Variants in UBE2E2 observed in about 807,000 individuals in gnomAD.
UBE2E2 encodes ubiquitin-conjugating enzyme E2 E2.
In UBE2E2, 6 loss-of-function variants were observed where a neutral mutation model predicts 24.7. That is an observed-to-expected ratio of 0.24 (90% CI 0.13 to 0.48). The LOEUF is 0.48. Among genes scored for constraint, UBE2E2 ranks in the 20% least tolerant of loss-of-function variants. The pLI is 0.99. For synonymous variants in UBE2E2, 104 were observed against 83.6 expected (o/e 1.24, Z -1.33); for missense variants, 169 against 245.0 (o/e 0.69, Z 2.07).
At chr3:23,214,541 A>G (rs1696421738) in intron 2 of UBE2E2, among the ~76,000 whole-genome samples, 1 of 151,062 alleles carries the variant, frequency 6.6e-6, no homozygotes, top group African/African-American at 2.4e-5. Flanking sequence ...ATAGCCACCA[A>G]TACTGAGCCT....
intron 3 of UBE2E2, among the ~76,000 whole-genome samples, chr3:23,303,063 G>A (rs1342055257): frequency 1.3e-5 from 2 of 152,134 alleles, no homozygotes; most frequent in African/African-American, 4.8e-5. Context: ...CCTGAGCTCT[G>A]CCTCCCGTCA....
intron 3 of UBE2E2, among the ~76,000 whole-genome samples, chr3:23,418,000 G>A (rs897978390): frequency 2.0e-5 from 3 of 152,176 alleles, no homozygotes; most frequent in African/African-American, 7.2e-5. Context: ...GGGCTCCGTG[G>A]GGGTGGGATC....
chr3:23,543,010 A>G (rs570365284), intron 5 of UBE2E2, among the ~76,000 whole-genome samples: 1 of 152,262 alleles, frequency 6.6e-6, no homozygotes, highest in Non-Finnish European at 1.5e-5. Context: ...AGTAACCTCT[A>G]ATTGGTTGGT....
At chr3:23,470,258 T>C (rs964293949) in intron 3 of UBE2E2, among the ~76,000 whole-genome samples, 2 of 152,176 alleles carry the variant, frequency 1.3e-5, no homozygotes, top group African/African-American at 4.8e-5. Context: ...CTTCCCTCCT[T>C]GCTTCCTTGA....
intron 3 of UBE2E2, among the ~76,000 whole-genome samples, chr3:23,487,579 A>G (rs867784205): frequency 2.0e-5 from 3 of 152,206 alleles, no homozygotes; most frequent in African/African-American, 7.2e-5. Context: ...TGAGCCAGGC[A>G]CTGTTCTAGG....
rs1481280790 is a variant in UBE2E2 at position 23,417,550 on chromosome 3, A to G, written c.228-82058A>G. Among the ~76,000 whole-genome samples the G allele has an allele frequency of 2.6e-5, 4 of 152,270 alleles. No individual in the cohort carries two copies. In the East Asian group the frequency reaches 7.7e-4, roughly 29 times the overall value. ...GGTTGGGTCAGGGACCCACTTGAGG[A>G]GGCGGTCTGTCCCTTAGCAGAGCTC... On this transcript the variant is annotated intron_variant, in intron 3 of 5. Coordinates refer to ENST00000396703, the MANE Select transcript of UBE2E2 (RefSeq NM_152653.4).
intron 5 of UBE2E2, among the ~76,000 whole-genome samples, chr3:23,572,201 C>G (rs149696614): frequency 6.6e-6 from 1 of 152,106 alleles, no homozygotes; most frequent in South Asian, 2.1e-4. Context: ...CACTACAAGT[C>G]ACACACTGTT....
At chr3:23,298,429 A>T (rs968501903) in intron 3 of UBE2E2, among the ~76,000 whole-genome samples, 2 of 152,192 alleles carry the variant, frequency 1.3e-5, no homozygotes, top group South Asian at 4.2e-4. Context: ...TAGGTTTGTC[A>T]TAGATAGCTC....
intron 4 of UBE2E2, among the ~76,000 whole-genome samples, chr3:23,502,070 TG>T (rs1342317713): frequency 6.6e-6 from 1 of 152,136 alleles, no homozygotes; most frequent in Non-Finnish European, 1.5e-5. Flanking sequence ...AGAAAAAACT[TG>T]GGGTGTAGTG....
chr3:23,389,316 A>T (rs1696882427), intron 3 of UBE2E2, among the ~76,000 whole-genome samples: 1 of 152,112 alleles, frequency 6.6e-6, no homozygotes, highest in Non-Finnish European at 1.5e-5. Flanking sequence ...ATTGTCATGG[A>T]TCTCTTTTCA....
intron 3 of UBE2E2, among the ~76,000 whole-genome samples, chr3:23,329,856 A>G (rs1695012124): frequency 6.6e-6 from 1 of 152,210 alleles, no homozygotes; most frequent in Non-Finnish European, 1.5e-5. Flanking sequence ...CTTCCCTTTT[A>G]AAATATTTTA....
At chr3:23,344,336 C>A (rs181079634) in intron 3 of UBE2E2, among the ~76,000 whole-genome samples, 1 of 152,108 alleles carries the variant, frequency 6.6e-6, no homozygotes, top group Non-Finnish European at 1.5e-5. Flanking sequence ...AGAAACACAT[C>A]CAGAGGTCAC....
At position 23,524,607 on chromosome 3, in the gene UBE2E2, C is replaced by G. The variant is rs76892639; in HGVS notation, c.361-7947C>G. On this transcript the variant is annotated intron_variant, in intron 4 of 5. Coordinates refer to ENST00000396703, the MANE Select transcript of UBE2E2 (RefSeq NM_152653.4). ...ACAATACAACTCATGGATCATGGAA[C>G]TAGAATAAGCCTTAGAAATAATCTA... Among the ~76,000 whole-genome samples, 239 of 152,046 alleles carry G rather than the reference C, an allele frequency of 1.6e-3. 1 individual carries two copies. The highest frequency in any genetic ancestry group is 2.6e-3 in the Non-Finnish European group (175 of 67,834).
chr3:23,353,701 G>C (rs1695838457), intron 3 of UBE2E2, among the ~76,000 whole-genome samples: 2 of 151,976 alleles, frequency 1.3e-5, no homozygotes, highest in African/African-American at 4.8e-5. Context: ...ACCGCTTCAA[G>C]GAGAACTACA....
At chr3:23,335,277 G>GA (rs1183174115) in intron 3 of UBE2E2, among the ~76,000 whole-genome samples, 1 of 152,052 alleles carries the variant, frequency 6.6e-6, no homozygotes, top group African/African-American at 2.4e-5. Flanking sequence ...TAAAGACGAA[G>GA]AAAAAATAAA....
chr3:23,203,807 CTT>C (rs1696044392), intron 1 of UBE2E2, among the ~76,000 whole-genome samples: 2 of 151,540 alleles, frequency 1.3e-5, no homozygotes, highest in Admixed American at 6.6e-5. Context: ...GGAACTAAGT[CTT>C]TTCAAAAGTA....
intron 3 of UBE2E2, among the ~76,000 whole-genome samples, chr3:23,302,572 A>G (rs368164884): frequency 1.3e-5 from 2 of 152,202 alleles, no homozygotes; most frequent in East Asian, 3.8e-4. Context: ...ATAGCTTATC[A>G]TCTAAAATCC....
intron 3 of UBE2E2, among the ~76,000 whole-genome samples, chr3:23,291,280 G>A (rs1253612051): frequency 6.6e-6 from 1 of 152,132 alleles, no homozygotes; most frequent in Admixed American, 6.5e-5. Flanking sequence ...ACAAATTACT[G>A]GTTGATCCTA....
At chr3:23,367,167 A>C (rs747626265) in intron 3 of UBE2E2, among the ~76,000 whole-genome samples, 1 of 152,206 alleles carries the variant, frequency 6.6e-6, no homozygotes, top group African/African-American at 2.4e-5. Flanking sequence ...CAGTTTCATT[A>C]TAAAATGGAA....
Sources: allele counts gnomAD v4.1 joint callset (sites outside exome capture counted in the v4.1 genomes callset), GRCh38; gene constraint gnomAD v4.1.1; transcripts MANE v1.5; gene names NCBI Gene and HGNC (gene_info 2026-07-23, HGNC 2026-07-21).